Variants in MAP4K5 observed in about 807,000 individuals in gnomAD.
MAP4K5 encodes mitogen-activated protein kinase kinase kinase kinase 5, also known as MAPK/ERK kinase kinase kinase 5.
Under a neutral mutation model 135.6 loss-of-function variants are expected in MAP4K5, and 82 were observed. That is an observed-to-expected ratio of 0.60 (90% CI 0.51 to 0.73). The LOEUF is 0.73. Ranked by LOEUF, MAP4K5 falls within the 30% of genes least tolerant of loss-of-function variation. The pLI is 0.00. For missense variants in MAP4K5, 907 were observed against 1,010.9 expected (o/e 0.90, Z 1.39); for synonymous variants, 347 against 335.0 (o/e 1.04, Z -0.39).
intron 2 of MAP4K5, among the ~76,000 whole-genome samples, chr14:50,518,683 A>G (rs543634615): frequency 8.5e-5 from 13 of 152,292 alleles, no homozygotes; most frequent in African/African-American, 2.9e-4. Context: ...CATGACTTCA[A>G]TCTCAGGTCT....
chr14:50,504,235 C>T (rs902484997), intron 3 of MAP4K5, among the ~76,000 whole-genome samples: 3 of 152,044 alleles, frequency 2.0e-5, no homozygotes, highest in Admixed American at 6.6e-5. Context: ...CAAATATTCG[C>T]TTACCTGGTC....
chr14:50,487,385 ACT>A (rs1491394020), intron 3 of MAP4K5, among the ~76,000 whole-genome samples: 1 of 152,162 alleles, frequency 6.6e-6, no homozygotes, highest in African/African-American at 2.4e-5. Flanking sequence ...AATCATTGGA[ACT>A]TTTTTTAACA....
chr14:50,539,041 G>A (rs1005276206), intron 2 of MAP4K5, among the ~76,000 whole-genome samples: 1 of 152,088 alleles, frequency 6.6e-6, no homozygotes, highest in Admixed American at 6.6e-5. Flanking sequence ...TTTCTTCCCA[G>A]AAACCCGATT....
rs189556414 is a variant in MAP4K5, at chr14:50,470,118, A to G, written c.543-1336T>C. Among the ~76,000 whole-genome samples, 3 of 152,312 alleles carry G rather than the reference A, an allele frequency of 2.0e-5. No individual in the cohort carries two copies. The East Asian group carries it at 5.8e-4, about 29-fold the overall frequency. On this transcript the variant is annotated intron_variant, in intron 9 of 32. Coordinates refer to ENST00000682126, the MANE Select transcript of MAP4K5 (RefSeq NM_006575.6). ...AGAGGCTGAGGTGGAGCCCAGAGAA[A>G]GCAAACAGGATTCATCTCCTCTACC...
chr14:50,471,263 A>G (rs1039906416), intron 9 of MAP4K5, among the ~76,000 whole-genome samples: 8 of 152,116 alleles, frequency 5.3e-5, no homozygotes, highest in Non-Finnish European at 1.2e-4. Flanking sequence ...TTCCAATTTG[A>G]TAGAAAAAAG....
At chr14:50,536,834 A>C (rs1357120062), upstream of MAP4K5, among the ~76,000 whole-genome samples, 4 of 152,206 alleles carry the variant, frequency 2.6e-5, no homozygotes, top group Non-Finnish European at 5.9e-5. Context: ...CTAAGCAGCA[A>C]AGCATTCAAG....
Position 50,509,470 on chromosome 14 carries a change from T to C in MAP4K5, c.109-4613A>G, listed in dbSNP as rs1357488761. Among the ~76,000 whole-genome samples, 3 of 152,190 alleles carry C rather than the reference T, an allele frequency of 2.0e-5. No individual in the cohort carries two copies. In the East Asian group the frequency reaches 5.8e-4, roughly 29 times the overall value. ...AACAGCTAACAAAGCAATATACTAA[T>C]CCTCTTTCACATTAAATTTCTCCGT... is the stretch of plus-strand genomic sequence containing the variant. On this transcript the variant is annotated intron_variant, in intron 2 of 32. Transcript: ENST00000682126.
chr14:50,538,165 C>T (rs1254037066), intron 2 of MAP4K5, among the ~76,000 whole-genome samples: 3 of 152,174 alleles, frequency 2.0e-5, no homozygotes, highest in Admixed American at 6.5e-5. Context: ...GAATAAGTCT[C>T]ATGAGATCTG....
At chr14:50,559,744 G>GA (rs577153377) in intron 1 of MAP4K5, 209 of 152,136 alleles carry the variant, frequency 1.4e-3, no homozygotes, top group Middle Eastern at 6.8e-3. Context: ...TTTTAAAATG[G>GA]AAAAAAAAAT....
chr14:50,473,887 C>T (rs960670472), intron 9 of MAP4K5, among the ~76,000 whole-genome samples: 1 of 151,900 alleles, frequency 6.6e-6, no homozygotes, highest in African/African-American at 2.4e-5. Flanking sequence ...CGACGCCCGG[C>T]TAATTTTTTT....
chr14:50,430,445 T>A (rs1236518828), intron 28 of MAP4K5, among the ~76,000 whole-genome samples: 1 of 152,242 alleles, frequency 6.6e-6, no homozygotes, highest in Non-Finnish European at 1.5e-5. Context: ...AAAGTACTTT[T>A]CCTAACACAG....
intron 3 of MAP4K5, among the ~76,000 whole-genome samples, chr14:50,504,285 C>G (rs1304823049): frequency 1.3e-5 from 2 of 152,028 alleles, no homozygotes; most frequent in Non-Finnish European, 2.9e-5. Context: ...TTTAGGATAT[C>G]AAAATCATAA....
intron 3 of MAP4K5, among the ~76,000 whole-genome samples, chr14:50,490,161 A>ATGTAT (rs2037453788): frequency 1.1e-5 from 1 of 87,504 alleles, no homozygotes. Flanking sequence ...GTGTGTGTGT[A>ATGTAT]AGGGAACTCA....
At position 50,434,941 on chromosome 14, in the gene MAP4K5, T is replaced by G. The variant is rs74050301; in HGVS notation, c.1986+21A>C. ...ACTAGTGTTTTCTAAAGGAAAAAAA[T>G]GTGAACAAAATAATATATACCTTTA... On this transcript the variant is annotated intron_variant, in intron 27 of 32. Transcript: ENST00000682126. The G allele has an allele frequency of 1.2e-3, 1,753 of 1,513,226 alleles. 23 individuals carry two copies. The African/African-American group carries it at 0.022, about 19-fold the overall frequency. The allele number at this position is 1,513,226 out of a possible 1,614,324, so 93.7% of individuals were successfully genotyped here. A position where few individuals can be genotyped will look rare whatever the true frequency, so the allele number is the denominator to read the frequency against.
chr14:50,512,654 C>T (rs1293417741), intron 2 of MAP4K5, among the ~76,000 whole-genome samples: 1 of 152,082 alleles, frequency 6.6e-6, no homozygotes, highest in Non-Finnish European at 1.5e-5. Context: ...AAACAGAGAG[C>T]AGTACCAGGC....
upstream of MAP4K5, among the ~76,000 whole-genome samples, chr14:50,534,968 T>A (rs529871029): frequency 2.6e-5 from 4 of 152,176 alleles, no homozygotes; most frequent in South Asian, 8.3e-4. Context: ...ATGTTAGTTA[T>A]GTCATGGTAA....
intron 2 of MAP4K5, 35 bp downstream of exon 2, chr14:50,531,907 G>C: frequency 7.0e-7 from 1 of 1,418,868 alleles, no homozygotes; most frequent in African/African-American, 1.4e-5. Flanking sequence ...GGACCCAGTC[G>C]ACCGCAGGAA....
At chr14:50,495,481 C>T (rs891215404) in intron 3 of MAP4K5, among the ~76,000 whole-genome samples, 4 of 152,182 alleles carry the variant, frequency 2.6e-5, no homozygotes, top group African/African-American at 9.6e-5. Flanking sequence ...ACATTGCAAA[C>T]TGGTGAGACT....
chr14:50,459,948 G>A (rs1164257430), intron 13 of MAP4K5, among the ~76,000 whole-genome samples: 4 of 151,932 alleles, frequency 2.6e-5, no homozygotes, highest in South Asian at 2.1e-4. Context: ...TGATCCAGCC[G>A]CCTCAGCCTC....
Sources: gnomAD v4.1 joint callset for allele counts (sites outside exome capture counted in the v4.1 genomes callset) on GRCh38, gnomAD v4.1.1 for gene constraint, MANE v1.5 for transcripts, NCBI Gene and HGNC (gene_info 2026-07-23, HGNC 2026-07-21) for gene names.